The following SPNS3 variants were observed in gnomAD, a reference collection of about 807,000 sequenced individuals.
SPNS3 encodes SPNS lysolipid transporter 3, sphingosine-1-phosphate (putative), also known as protein spinster homolog 3.
A neutral mutation model predicts 54.4 loss-of-function variants in SPNS3; 51 were observed. The ratio of observed to expected loss-of-function variants is 0.94; its 90% CI spans 0.75 to 1.18. The LOEUF (loss-of-function observed/expected upper bound fraction) is 1.18, where lower values mean the gene tolerates loss of function less well. Among genes scored for constraint, SPNS3 ranks in the 50% most tolerant of loss-of-function variants. The pLI, the probability that SPNS3 is intolerant of heterozygous loss-of-function variation, is 0.00. For synonymous variants in SPNS3, 309 were observed against 294.7 expected (o/e 1.05, Z -0.50); for missense variants, 669 against 677.4 (o/e 0.99, Z 0.14).
intron 3 of SPNS3, among the ~76,000 whole-genome samples, chr17:4,445,432 A>G (rs1231926231): frequency 1.3e-5 from 2 of 151,206 alleles, no homozygotes; most frequent in Non-Finnish European, 2.9e-5. Context: ...CTGGAGTGCA[A>G]TGGCGTGATC....
intron 8 of SPNS3, among the ~76,000 whole-genome samples, chr17:4,456,536 AT>A (rs1218815282): frequency 1.3e-5 from 2 of 151,716 alleles, no homozygotes; most frequent in South Asian, 4.2e-4. Context: ...ATTTTATTTT[AT>A]TTTTTTGAGA....
At chr17:4,457,061 C>T (rs902788144) in intron 8 of SPNS3, among the ~76,000 whole-genome samples, 2 of 152,096 alleles carry the variant, frequency 1.3e-5, no homozygotes, top group African/African-American at 2.4e-5. Context: ...AAACTGAAGC[C>T]CACAGATAGA....
At chr17:4,439,251 G>A (rs1300207170) in intron 1 of SPNS3, among the ~76,000 whole-genome samples, 1 of 151,956 alleles carries the variant, frequency 6.6e-6, no homozygotes, top group African/African-American at 2.4e-5. Context: ...AGCCTCCCGA[G>A]TAGCTGGGAT....
At position 4,458,588 on chromosome 17, in the gene SPNS3, C is replaced by CCTTCCTTCCTTCCTTT. The variant is rs1413694695; in HGVS notation, c.1113+5386_1113+5387insCCTTCCTTCCTTTCTT. On this transcript the variant is annotated intron_variant, in intron 8 of 11. Coordinates refer to ENST00000355530, the MANE Select transcript of SPNS3 (RefSeq NM_182538.5). ...TCCCTCCTTTCTTTCTTCCTTCCCT[C>CCTTCCTTCCTTCCTTT]CTTTCTTTCTTTCTTTCTTTCTTTC... 5.2e-3 allele frequency among the ~76,000 whole-genome samples: 307 copies of CCTTCCTTCCTTCCTTT among 59,304 alleles called. 9 individuals are homozygous for CCTTCCTTCCTTCCTTT. Among genetic ancestry groups the CCTTCCTTCCTTCCTTT allele is most frequent in the African/African-American group, 0.018 (291 of 16,426 alleles). The allele number at this position is 59,304 out of a possible 152,430, so 38.9% of individuals were successfully genotyped here. A position where few individuals can be genotyped will look rare whatever the true frequency, so the allele number is the denominator to read the frequency against.
intron 8 of SPNS3, among the ~76,000 whole-genome samples, chr17:4,453,943 C>T (rs1271947314): frequency 1.3e-5 from 2 of 152,232 alleles, no homozygotes; most frequent in African/African-American, 4.8e-5. Flanking sequence ...ATGGGCCTCA[C>T]ACTCTGGCTG....
chr17:4,445,352 C>T (rs544343634), intron 3 of SPNS3, among the ~76,000 whole-genome samples, 184 bp downstream of exon 3: 1 of 149,806 alleles, frequency 6.7e-6, no homozygotes, highest in Admixed American at 6.6e-5. Flanking sequence ...CAGCCTGAGT[C>T]TGCACAGGGC....
intron 11 of SPNS3, 52 bp from the exon 12 acceptor site, chr17:4,487,754 C>T: frequency 6.3e-7 from 1 of 1,574,878 alleles, no homozygotes; most frequent in Non-Finnish European, 8.7e-7. Flanking sequence ...AGGCCTGGTC[C>T]CAAAGCACCT....
intron 2 of SPNS3, among the ~76,000 whole-genome samples, chr17:4,443,732 T>G (rs1313490530): frequency 6.6e-6 from 1 of 152,236 alleles, no homozygotes; most frequent in Non-Finnish European, 1.5e-5. Flanking sequence ...GTTGCGTTTC[T>G]AATTCTTAAA....
At chr17:4,452,691 AAAGGGT>A (rs1196938179) in intron 7 of SPNS3, among the ~76,000 whole-genome samples, 1 of 151,842 alleles carries the variant, frequency 6.6e-6, no homozygotes, top group Non-Finnish European at 1.5e-5. Flanking sequence ...TTGGGGGGTG[AAAGGGT>A]AAGGGTCAAT....
Position 4,483,954 on chromosome 17 carries a change from C to T in SPNS3, c.1180-2274C>T, listed in dbSNP as rs771958689. ...ACTGTCCCCTGCCTGGAATGCCTTT[C>T]CCCGTCTCTTTGCCAGTTACTCTGC... On this transcript the variant is annotated intron_variant, in intron 9 of 11. Transcript: ENST00000355530. The surrounding 1 kb of genome is among the most constrained non-coding windows in gnomAD (Gnocchi z 4.2). 1.2e-4 allele frequency among the ~76,000 whole-genome samples: 18 copies of T among 152,228 alleles called. No homozygotes were observed. The highest frequency in any genetic ancestry group is 2.4e-4 in the Non-Finnish European group (16 of 68,036).
chr17:4,447,476 T>A (rs568736594), intron 5 of SPNS3, among the ~76,000 whole-genome samples: 2 of 152,152 alleles, frequency 1.3e-5, no homozygotes, highest in Non-Finnish European at 2.9e-5. Flanking sequence ...AGGAACTCCA[T>A]AGTGGAGGGT....
In SPNS3 at chr17:4,449,388, G is replaced by A. The variant is rs1971096115; in HGVS notation, c.923+1G>A. On this transcript the variant is annotated splice_donor_variant, in intron 7 of 11. Coordinates refer to ENST00000355530, the MANE Select transcript of SPNS3 (RefSeq NM_182538.5). LOFTEE classifies it high-confidence loss of function. ...AGGAGCCGTGCAGCAACCCCGACAG[G>A]TGAGGGCATCCGGGGGCCCTGGGCA... 2 of 1,586,046 alleles carry A rather than the reference G, an allele frequency of 1.3e-6. No individual in the cohort carries two copies. Among genetic ancestry groups the A allele is most frequent in the South Asian group, 2.3e-5 (2 of 88,052 alleles).
At position 4,446,201 on chromosome 17, in the gene SPNS3, T is replaced by C; in HGVS notation, c.554+2T>C. ...CTACATCTTTATCCCCGTTGGAAGG[T>C]TGGTATCACCCGTGGGTCTACTTCC... is the stretch of plus-strand genomic sequence containing the variant. On this transcript the variant is annotated splice_donor_variant, in intron 4 of 11. Coordinates refer to ENST00000355530, the MANE Select transcript of SPNS3 (RefSeq NM_182538.5). LOFTEE classifies it high-confidence loss of function. The C allele has an allele frequency of 6.2e-7, 1 of 1,607,670 alleles. No individual in the cohort carries two copies. The highest frequency in any genetic ancestry group is 8.5e-7 in the Non-Finnish European group (1 of 1,175,440).
At chr17:4,444,857 G>C (rs1199995823) in intron 2 of SPNS3, 175 bp from the exon 3 acceptor site, 1 of 755,260 alleles carries the variant, frequency 1.3e-6, no homozygotes, top group Non-Finnish European at 2.2e-6. Context: ...GGCTGCGGCT[G>C]CATGTTGGCC....
intron 2 of SPNS3, among the ~76,000 whole-genome samples, chr17:4,444,553 G>T (rs914839174): frequency 6.6e-6 from 1 of 152,002 alleles, no homozygotes; most frequent in Middle Eastern, 3.2e-3. Flanking sequence ...GTCCTCATCT[G>T]CTGCTCAGAG....
At chr17:4,458,366 T>C (rs1210830338) in intron 8 of SPNS3, among the ~76,000 whole-genome samples, 2 of 131,222 alleles carry the variant, frequency 1.5e-5, no homozygotes, top group African/African-American at 2.5e-5. Flanking sequence ...TCCCTCTCTC[T>C]CTCCCTCCCT....
At chr17:4,463,908 C>G (rs954713997) in intron 8 of SPNS3, among the ~76,000 whole-genome samples, 5 of 152,184 alleles carry the variant, frequency 3.3e-5, no homozygotes, top group Admixed American at 6.5e-5. Context: ...CACGAGCATG[C>G]ACACCCAACT....
At position 4,434,184 on chromosome 17, in the gene SPNS3, A is replaced by AC. The variant is rs752136638; in HGVS notation, c.199+21dup. The stretch of plus-strand genomic sequence containing the variant: ...CATTGCAGGTGAGGAGGGGATGGCT[A>AC]CCCTGGGCAGTACCTGCTGCTGTGC... On this transcript the variant is annotated intron_variant, in intron 1 of 11. Transcript: ENST00000355530. The AC allele has an allele frequency of 6.3e-7, 1 of 1,597,096 alleles. No individual in the cohort carries two copies. Among genetic ancestry groups the AC allele is most frequent in the South Asian group, 1.1e-5 (1 of 88,934 alleles).
intron 2 of SPNS3, among the ~76,000 whole-genome samples, chr17:4,441,277 C>T (rs1003691887): frequency 6.6e-6 from 1 of 152,122 alleles, no homozygotes; most frequent in South Asian, 2.1e-4. Context: ...AATCCCAGCT[C>T]TTAGGGAGGC....
Sources: gnomAD v4.1 joint callset for allele counts (sites outside exome capture counted in the v4.1 genomes callset) on GRCh38, gnomAD v4.1.1 for gene constraint, Gnocchi (gnomAD v3.1) non-coding constraint, MANE v1.5 for transcripts, NCBI Gene and HGNC (gene_info 2026-07-23, HGNC 2026-07-21) for gene names.